NDUFB3: variants seen among roughly 807,000 people sequenced by gnomAD.
NDUFB3 encodes NADH dehydrogenase [ubiquinone] 1 beta subcomplex subunit 3.
A neutral mutation model predicts 9.0 loss-of-function variants in NDUFB3; 7 were observed. The ratio of observed to expected loss-of-function variants is 0.78; its 90% CI spans 0.44 to 1.46. The LOEUF is 1.46. NDUFB3 is among the 40% of genes most tolerant of loss of function. The probability of loss-of-function intolerance (pLI) is 0.01; values close to 1 mark genes in which losing one functional copy is unlikely to be tolerated. For synonymous variants in NDUFB3, 29 were observed against 38.5 expected, an observed-to-expected ratio of 0.75 and a Z score of 0.91; for missense variants, 93 against 115.4, an observed-to-expected ratio of 0.81 and a Z score of 0.89.
At chr2:201,077,563 G>T (rs967298798) in intron 1 of NDUFB3, among the ~76,000 whole-genome samples, 1 of 152,186 alleles carries the variant, frequency 6.6e-6, no homozygotes, top group African/African-American at 2.4e-5. Flanking sequence ...TAAGGTCCAT[G>T]AGCTAAGAAT....
rs1484796925 is a variant in NDUFB3 at position 201,078,903 on chromosome 2, T to C, written c.21T>C (p.His7=). 3.1e-6 allele frequency: 5 copies of C among 1,611,346 alleles called. No homozygotes were observed. Among genetic ancestry groups the C allele is most frequent in the Non-Finnish European group, 4.2e-6 (5 of 1,179,580 alleles). The change falls in exon 2 of 3, where the codon CAT becomes CAC. Residue 7 remains histidine, a synonymous_variant. Transcript: ENST00000237889. MAHEHG[H]EHGHHKMELP... is the part of the protein sequence containing the mutation. ...CAGACATGGCCCATGAACATGGACA[T>C]GAGCATGGACATCATAAAATGGAAC...
At chr2:201,079,101 T>C in intron 2 of NDUFB3, 79 bp downstream of exon 2, 2 of 1,412,486 alleles carry the variant, frequency 1.4e-6, no homozygotes, top group Non-Finnish European at 1.9e-6. Context: ...GTATTCTCCT[T>C]AGAGAATCAT....
chr2:201,073,085 A>C (rs2047109206), intron 1 of NDUFB3, among the ~76,000 whole-genome samples: 1 of 152,154 alleles, frequency 6.6e-6, no homozygotes. Flanking sequence ...AATAGTTAAA[A>C]ATTGGTTGAA....
At chr2:201,074,517 C>T (rs193238070) in intron 1 of NDUFB3, among the ~76,000 whole-genome samples, 1,519 of 139,932 alleles carry the variant, frequency 0.011, 15 homozygotes, top group South Asian at 0.016. Flanking sequence ...AGTGCAGTGG[C>T]GCAATCTCGG....
chr2:201,084,289 C>CA (rs1185626167), intron 2 of NDUFB3, among the ~76,000 whole-genome samples: 7,466 of 134,400 alleles, frequency 0.056, 235 homozygotes, highest in Non-Finnish European at 0.08. Context: ...GACTCCATCT[C>CA]AAAAAAAAAA....
intron 2 of NDUFB3, 74 bp downstream of exon 2, chr2:201,079,096 C>T: frequency 1.4e-6 from 2 of 1,454,930 alleles, no homozygotes; most frequent in Non-Finnish European, 1.8e-6. Context: ...TCAATGTATT[C>T]TCCTTAGAGA....
chr2:201,079,167 A>G (rs898335442), intron 2 of NDUFB3, 145 bp downstream of exon 2: 2 of 974,744 alleles, frequency 2.1e-6, no homozygotes, highest in Non-Finnish European at 2.9e-6. Flanking sequence ...TGTTTTTGAG[A>G]CGGTGTCTTG....
intron 1 of NDUFB3, chr2:201,072,407 C>G (rs2047090023): frequency 6.6e-6 from 1 of 152,144 alleles, no homozygotes; most frequent in Non-Finnish European, 1.5e-5. Context: ...TTCATATAAT[C>G]ACAGTTTTTA....
intron 1 of NDUFB3, among the ~76,000 whole-genome samples, chr2:201,076,252 C>T (rs1241633581): frequency 6.6e-6 from 1 of 151,906 alleles, no homozygotes. Flanking sequence ...ACTGTAATCC[C>T]AGCATTTTGG....
rs2047138886 is a variant in NDUFB3, at chr2:201,074,540, T to G, written c.-3+2481T>G. On this transcript the variant is annotated intron_variant, in intron 1 of 2. Transcript: ENST00000237889. ...GGCGCAATCTCGGCTCACTGCAACC[T>G]CCACCTCCTGGGTTCAAGTGATTCT... Among the ~76,000 whole-genome samples, 4 of 136,846 alleles carry G rather than the reference T, an allele frequency of 2.9e-5. No individual in the cohort carries two copies. The South Asian group carries it at 1.0e-3, about 35-fold the overall frequency. 89.8% of individuals were successfully genotyped at this position (136,846 alleles called of 152,430 possible).
At chr2:201,079,634 G>C (rs2047202493) in intron 2 of NDUFB3, among the ~76,000 whole-genome samples, 2 of 152,014 alleles carry the variant, frequency 1.3e-5, no homozygotes, top group African/African-American at 2.4e-5. Context: ...GTAGAGACAG[G>C]GTTTTGCCAT....
intron 1 of NDUFB3, chr2:201,072,264 A>G (rs1231539458): frequency 1.3e-5 from 2 of 152,214 alleles, no homozygotes; most frequent in Non-Finnish European, 2.9e-5. Flanking sequence ...TCATTACTGT[A>G]GTTGTTAAAT....
At chr2:201,077,300 T>C (rs2047174195) in intron 1 of NDUFB3, among the ~76,000 whole-genome samples, 2 of 152,094 alleles carry the variant, frequency 1.3e-5, no homozygotes, top group African/African-American at 4.8e-5. Context: ...ACACAAATTA[T>C]AGTATAGTGT....
intron 1 of NDUFB3, chr2:201,072,421 C>T (rs557608963): frequency 2.6e-5 from 4 of 152,148 alleles, no homozygotes; most frequent in African/African-American, 7.2e-5. Flanking sequence ...GTTTTTAATA[C>T]GAGGAAGTTA....
At chr2:201,082,135 G>C (rs1340510526) in intron 2 of NDUFB3, among the ~76,000 whole-genome samples, 1 of 151,742 alleles carries the variant, frequency 6.6e-6, no homozygotes, top group Admixed American at 6.6e-5. Context: ...TATTTTTTTG[G>C]TAGAGATGGG....
intron 1 of NDUFB3, among the ~76,000 whole-genome samples, chr2:201,075,706 A>G (rs1179232911): frequency 6.6e-6 from 1 of 152,020 alleles, no homozygotes; most frequent in Non-Finnish European, 1.5e-5. Context: ...GTACGCTTTC[A>G]TGTTTTCTTT....
chr2:201,077,656 C>T (rs968163304), intron 1 of NDUFB3, among the ~76,000 whole-genome samples: 5 of 152,178 alleles, frequency 3.3e-5, no homozygotes, highest in Non-Finnish European at 5.9e-5. Context: ...ATGTTACCCC[C>T]AAAAGGGGAG....
chr2:201,084,276 C>A (rs1163324527), intron 2 of NDUFB3, among the ~76,000 whole-genome samples: 1 of 148,718 alleles, frequency 6.7e-6, no homozygotes, highest in Non-Finnish European at 1.5e-5. Flanking sequence ...GGCGACAGTG[C>A]GAGACTCCAT....
chr2:201,085,586 TC>T lies in NDUFB3; in HGVS notation c.271del (p.Leu91Ter). On this transcript the variant is annotated frameshift_variant, in exon 3 of 3. Transcript: ENST00000237889. LOFTEE classifies it high-confidence loss of function. The stretch of plus-strand genomic sequence containing the variant: ...TGTAGGAGCTGAATATTACCTGGAG[TC>T]CCTGAATAAAGATAAGAAGCATCAC... The part of the protein sequence containing the change: ...VAVGAEYYLE[S>X]LNKDKKHH The T allele has an allele frequency of 6.2e-7, 1 of 1,611,862 alleles. No individual in the cohort carries two copies. The highest frequency in any genetic ancestry group is 8.5e-7 in the Non-Finnish European group (1 of 1,179,044).
Sources: gnomAD v4.1 joint callset for allele counts (sites outside exome capture counted in the v4.1 genomes callset) on GRCh38, gnomAD v4.1.1 for gene constraint, MANE v1.5 for transcripts, NCBI Gene and HGNC (gene_info 2026-07-23, HGNC 2026-07-21) for gene names.